The following OPCML variants were observed in gnomAD, a reference collection of about 807,000 sequenced individuals.
OPCML encodes opioid binding protein/cell adhesion molecule like.
A neutral mutation model predicts 37.8 loss-of-function variants in OPCML; 13 were observed. The observed-to-expected ratio is 0.34, with a 90% CI of 0.22 to 0.55. OPCML has a LOEUF of 0.55. Ranked by LOEUF, OPCML falls within the 20% of genes least tolerant of loss-of-function variation. OPCML has a pLI of 0.91. For missense variants in OPCML, 341 were observed against 435.6 expected, an observed-to-expected ratio of 0.78 and a Z score of 1.93; for synonymous variants, 176 against 168.8, an observed-to-expected ratio of 1.04 and a Z score of -0.33.
In OPCML at chr11:133,206,263, G is replaced by A. The variant is rs1257573941; in HGVS notation, c.62-263253C>T. On this transcript the variant is annotated intron_variant, in intron 1 of 7. Coordinates refer to ENST00000524381, the MANE Select transcript of OPCML (RefSeq NM_001012393.5). This position sits in a 1 kb window ranked among gnomAD's most constrained non-coding sequence, Gnocchi z 4.7. Reference sequence around the variant, plus strand: ...ATCAGCAGTACATTAAGATCAGCGTGATTAAAGACAGTGAGCAGAACTCGC... The same window carrying A: ...ATCAGCAGTACATTAAGATCAGCGTAATTAAAGACAGTGAGCAGAACTCGC... Among the ~76,000 whole-genome samples the A allele has an allele frequency of 1.3e-5, 2 of 152,174 alleles. No individual in the cohort carries two copies. Among genetic ancestry groups the A allele is most frequent in the Admixed American group, 1.3e-4 (2 of 15,274 alleles).
chr11:132,719,770 A>G (rs1021140595), intron 2 of OPCML, among the ~76,000 whole-genome samples: 3 of 152,212 alleles, frequency 2.0e-5, no homozygotes, highest in Non-Finnish European at 4.4e-5. Flanking sequence ...AGCTTCTATG[A>G]GTTGCCCCTC....
chr11:133,146,253 A>G (rs1199846497), intron 1 of OPCML, among the ~76,000 whole-genome samples: 1 of 150,714 alleles, frequency 6.6e-6, no homozygotes, highest in Admixed American at 6.6e-5. Context: ...TGGGAGGGAG[A>G]GGTCATGATC....
At chr11:132,511,411 TGTCAAA>T (rs2096268654) in intron 4 of OPCML, among the ~76,000 whole-genome samples, 2 of 152,110 alleles carry the variant, frequency 1.3e-5, no homozygotes, top group African/African-American at 4.8e-5. Context: ...TGGTAAATAT[TGTCAAA>T]CCGATTATAA....
intron 1 of OPCML, among the ~76,000 whole-genome samples, chr11:133,346,469 C>G (rs540509724): frequency 6.6e-6 from 1 of 152,266 alleles, no homozygotes; most frequent in African/African-American, 2.4e-5. Flanking sequence ...TAGGGGACTA[C>G]AGAAGAATAG....
chr11:132,607,602 A>G (rs1349905381), intron 3 of OPCML, among the ~76,000 whole-genome samples: 1 of 152,182 alleles, frequency 6.6e-6, no homozygotes, highest in Non-Finnish European at 1.5e-5. Flanking sequence ...CTGCTTTTCT[A>G]TACTGAGGAC....
chr11:133,288,198 T>C (rs2136529692), intron 1 of OPCML, among the ~76,000 whole-genome samples: 1 of 152,322 alleles, frequency 6.6e-6, no homozygotes, highest in Admixed American at 6.5e-5. Context: ...AAGGCTGGCA[T>C]GGAGAGAAGT....
At chr11:133,292,760 G>C (rs957526882) in intron 1 of OPCML, among the ~76,000 whole-genome samples, 1 of 152,152 alleles carries the variant, frequency 6.6e-6, no homozygotes, top group African/African-American at 2.4e-5. Context: ...AAGGAAAAGT[G>C]ACATTCAGTG....
At chr11:132,734,549 C>G (rs1412608240) in intron 2 of OPCML, among the ~76,000 whole-genome samples, 1 of 152,178 alleles carries the variant, frequency 6.6e-6, no homozygotes, top group Non-Finnish European at 1.5e-5. Flanking sequence ...CCACTCATAC[C>G]TTCAGATGCA....
intron 1 of OPCML, among the ~76,000 whole-genome samples, chr11:133,144,717 A>G (rs1181915155): frequency 6.6e-6 from 1 of 152,248 alleles, no homozygotes; most frequent in African/African-American, 2.4e-5. Context: ...GTCTTATCTC[A>G]AATGAATTGA....
At chr11:133,224,639 C>T (rs560348554) in intron 1 of OPCML, among the ~76,000 whole-genome samples, 2 of 152,340 alleles carry the variant, frequency 1.3e-5, no homozygotes, top group African/African-American at 2.4e-5. Flanking sequence ...CTTCCTTCCC[C>T]AGGCCTGTGG....
At chr11:132,501,039 G>A (rs1245914009) in intron 4 of OPCML, among the ~76,000 whole-genome samples, 1 of 152,174 alleles carries the variant, frequency 6.6e-6, no homozygotes, top group African/African-American at 2.4e-5. Context: ...CTTTATAGTA[G>A]AATGATTTAT....
At chr11:133,039,643 T>G (rs1947848497) in intron 1 of OPCML, among the ~76,000 whole-genome samples, 2 of 152,162 alleles carry the variant, frequency 1.3e-5, no homozygotes, top group Non-Finnish European at 2.9e-5. Context: ...GTACGGCTCA[T>G]GAATCCCAGT....
chr11:132,741,158 T>C (rs1945422132), intron 2 of OPCML, among the ~76,000 whole-genome samples: 1 of 152,168 alleles, frequency 6.6e-6, no homozygotes, highest in Non-Finnish European at 1.5e-5. Context: ...CTGACAGAAC[T>C]TATCCTGTCT....
chr11:133,430,883 G>A (rs1946101994), intron 1 of OPCML, among the ~76,000 whole-genome samples: 1 of 152,138 alleles, frequency 6.6e-6, no homozygotes, highest in African/African-American at 2.4e-5. Context: ...CTCAATATTG[G>A]CAAAGTTTGG....
chr11:132,679,879 G>A (rs1217329180), intron 2 of OPCML, among the ~76,000 whole-genome samples: 1 of 152,236 alleles, frequency 6.6e-6, no homozygotes, highest in East Asian at 1.9e-4. Context: ...ACGTGTGAGT[G>A]TGATTTGATG....
chr11:133,230,434 C>A (rs567566628), intron 1 of OPCML, among the ~76,000 whole-genome samples: 8 of 152,306 alleles, frequency 5.3e-5, no homozygotes, highest in Admixed American at 3.3e-4. Flanking sequence ...TTCTGCCTCC[C>A]CTTTCTCAAC....
intron 1 of OPCML, among the ~76,000 whole-genome samples, chr11:133,349,861 G>C (rs1486726677): frequency 1.3e-5 from 2 of 152,224 alleles, no homozygotes; most frequent in Non-Finnish European, 1.5e-5. Flanking sequence ...GGGAGAAAGA[G>C]CAATTTTTCT....
At chr11:132,485,577 C>T (rs78919620) in intron 4 of OPCML, among the ~76,000 whole-genome samples, 82 of 152,296 alleles carry the variant, frequency 5.4e-4, no homozygotes, top group African/African-American at 1.9e-3. Flanking sequence ...GTCAAGGCAG[C>T]CACTGATCAA....
rs1337542733 is a variant in OPCML, at chr11:132,921,273, C to T, written c.146+21653G>A. On this transcript the variant is annotated intron_variant, in intron 2 of 7. Transcript: ENST00000524381. Reference sequence around the variant, plus strand: ...TTCGCCTCCCTGTTTGGCTTTTGATCACGGTAAGGCCACGACGCAGTGAAT... The same window carrying T: ...TTCGCCTCCCTGTTTGGCTTTTGATTACGGTAAGGCCACGACGCAGTGAAT... 2.0e-5 allele frequency among the ~76,000 whole-genome samples: 3 copies of T among 152,184 alleles called. No individual in the cohort carries two copies. In the East Asian group the frequency reaches 5.8e-4, roughly 29 times the overall value.
Sources: gnomAD v4.1 joint callset for allele counts (sites outside exome capture counted in the v4.1 genomes callset) on GRCh38, gnomAD v4.1.1 for gene constraint, Gnocchi (gnomAD v3.1) non-coding constraint, MANE v1.5 for transcripts, NCBI Gene and HGNC (gene_info 2026-07-23, HGNC 2026-07-21) for gene names.